KCND2: variants seen among roughly 807,000 people sequenced by gnomAD.
The protein encoded by KCND2 is A-type voltage-gated potassium channel KCND2.
A neutral mutation model predicts 54.4 loss-of-function variants in KCND2; 16 were observed. That is an observed-to-expected ratio of 0.29 (90% CI 0.20 to 0.45). The LOEUF (loss-of-function observed/expected upper bound fraction) is 0.45, where lower values mean the gene tolerates loss of function less well. KCND2 is among the 20% of genes least tolerant of loss of function. KCND2 has a pLI of 1.00. For synonymous variants in KCND2, 317 were observed against 310.7 expected, an observed-to-expected ratio of 1.02 and a Z score of -0.21; for missense variants, 486 against 824.2, an observed-to-expected ratio of 0.59 and a Z score of 5.02.
intron 1 of KCND2, among the ~76,000 whole-genome samples, chr7:120,322,182 A>G (rs1470395327): frequency 2.6e-5 from 4 of 152,082 alleles, no homozygotes; most frequent in Non-Finnish European, 5.9e-5. Flanking sequence ...TTTTTTAAAA[A>G]AAAGCATAAT....
chr7:120,674,007 C>T (rs989541335), intron 1 of KCND2, among the ~76,000 whole-genome samples: 2 of 151,728 alleles, frequency 1.3e-5, no homozygotes, highest in Non-Finnish European at 2.9e-5. Flanking sequence ...CAGGTTCAAG[C>T]GATTCTCCTA....
chr7:120,529,809 A>T (rs918160914), intron 1 of KCND2, among the ~76,000 whole-genome samples: 1 of 152,126 alleles, frequency 6.6e-6, no homozygotes, highest in African/African-American at 2.4e-5. Flanking sequence ...CAGGCCAGGC[A>T]TGGTGTCTCA....
intron 1 of KCND2, among the ~76,000 whole-genome samples, chr7:120,690,569 C>A (rs568129811): frequency 6.6e-6 from 1 of 152,284 alleles, no homozygotes; most frequent in African/African-American, 2.4e-5. Flanking sequence ...TTTGCCTTCC[C>A]ATTCACCTGG....
chr7:120,602,919 A>C (rs1792833149), intron 1 of KCND2, among the ~76,000 whole-genome samples: 1 of 152,200 alleles, frequency 6.6e-6, no homozygotes, highest in African/African-American at 2.4e-5. Flanking sequence ...TACTCCTGGG[A>C]CAAAGGTGAG....
chr7:120,380,725 A>C (rs1800906145), intron 1 of KCND2, among the ~76,000 whole-genome samples: 1 of 152,018 alleles, frequency 6.6e-6, no homozygotes, highest in Admixed American at 6.6e-5. Flanking sequence ...CACTTCAGAG[A>C]AAAATCATTG....
At chr7:120,433,626 T>C (rs1801825621) in intron 1 of KCND2, among the ~76,000 whole-genome samples, 1 of 152,206 alleles carries the variant, frequency 6.6e-6, no homozygotes, top group Admixed American at 6.5e-5. Context: ...GCCTGGCATG[T>C]AGTAAATGCT....
chr7:120,441,256 A>G (rs908451315), intron 1 of KCND2, among the ~76,000 whole-genome samples: 13 of 152,084 alleles, frequency 8.5e-5, no homozygotes, highest in African/African-American at 2.7e-4. Flanking sequence ...TTTCTGTTAC[A>G]TAGTTTGCTC....
chr7:120,657,497 T>C (rs1791816994), intron 1 of KCND2, among the ~76,000 whole-genome samples: 1 of 152,064 alleles, frequency 6.6e-6, no homozygotes, highest in Admixed American at 6.6e-5. Context: ...CACAAAAGAT[T>C]GAACTATTTG....
intron 1 of KCND2, among the ~76,000 whole-genome samples, chr7:120,329,247 G>A (rs573982142): frequency 6.6e-6 from 1 of 151,084 alleles, no homozygotes; most frequent in African/African-American, 2.4e-5. Context: ...TCAGCCTCCC[G>A]AGTAGCTGGG....
chr7:120,275,017 A>G lies in KCND2; in HGVS notation c.385A>G (p.Ile129Val), dbSNP rs1448870371. ...LAFFGLIPEI[I>V]GDCCYEEYKD... ...CTTCTTTGGCCTCATCCCGGAAATC[A>G]TCGGCGACTGCTGTTATGAGGAGTA... Residue 129 changes from isoleucine (I) to valine (V), a missense_variant, in exon 1 of 6, where the codon ATC becomes GTC. By Grantham distance (29) the Ile-to-Val change is conservative. Coordinates refer to ENST00000331113, the MANE Select transcript of KCND2 (RefSeq NM_012281.3). The G allele has an allele frequency of 3.1e-6, 5 of 1,613,948 alleles. No individual in the cohort carries two copies. The Admixed American group carries it at 6.7e-5, about 22-fold the overall frequency.
chr7:120,576,278 TTAAA>T (rs1217596781), intron 1 of KCND2, among the ~76,000 whole-genome samples: 10 of 152,338 alleles, frequency 6.6e-5, no homozygotes, highest in African/African-American at 2.4e-4. Flanking sequence ...ACACCAGCAA[TTAAA>T]TATTTAGTAG....
chr7:120,747,801 T>C lies in KCND2; in HGVS notation c.1836T>C (p.Asp612=). 1 of 1,612,722 alleles carries C rather than the reference T, an allele frequency of 6.2e-7. No individual in the cohort carries two copies. ...TPPVTTPEGD[D]RPESPEYSGG... ...CAGTAACCACACCAGAAGGAGACGA[T>C]AGGCCAGAATCCCCTGAGTACTCAG... is the stretch of plus-strand genomic sequence containing the variant. The change falls in exon 6 of 6, where the codon GAT becomes GAC. Residue 612 remains aspartate, a synonymous_variant. Transcript: ENST00000331113.
intron 1 of KCND2, among the ~76,000 whole-genome samples, chr7:120,295,385 C>G (rs866023837): frequency 6.8e-5 from 9 of 132,474 alleles, no homozygotes; most frequent in South Asian, 2.3e-4. Context: ...CACACACACA[C>G]ACACACAGAC....
At chr7:120,629,330 C>CA (rs1164612087) in intron 1 of KCND2, among the ~76,000 whole-genome samples, 2 of 152,036 alleles carry the variant, frequency 1.3e-5, no homozygotes, top group East Asian at 1.9e-4. Context: ...TACTAAAATA[C>CA]AAAAAATTAG....
chr7:120,576,329 A>G (rs991332666), intron 1 of KCND2, among the ~76,000 whole-genome samples: 3 of 152,356 alleles, frequency 2.0e-5, no homozygotes, highest in African/African-American at 7.2e-5. Context: ...AATATTTTAC[A>G]GTGCCATACA....
intron 1 of KCND2, among the ~76,000 whole-genome samples, chr7:120,356,872 T>C (rs1384332690): frequency 6.6e-6 from 1 of 152,134 alleles, no homozygotes; most frequent in Non-Finnish European, 1.5e-5. Flanking sequence ...CTCTCTCTTG[T>C]CTTATTATTT....
intron 1 of KCND2, among the ~76,000 whole-genome samples, chr7:120,448,580 C>T (rs1253792767): frequency 6.6e-6 from 1 of 151,938 alleles, no homozygotes; most frequent in African/African-American, 2.4e-5. Flanking sequence ...ATGAGATCAG[C>T]ATCATCCTGA....
In KCND2 at chr7:120,275,146, T is replaced by A; in HGVS notation, c.514T>A (p.Trp172Arg). The change falls in exon 1 of 6, where the codon TGG becomes AGG. Residue 172 changes from tryptophan to arginine, a missense_variant. Transcript: ENST00000331113. Reference protein sequence around the residue: ...LPTMTARQRVWRAFENPHTST... With the variant: ...LPTMTARQRVRRAFENPHTST... ...CACCATGACTGCAAGGCAGAGGGTC[T>A]GGAGGGCCTTCGAGAACCCCCACAC... 1.2e-6 allele frequency: 2 copies of A among 1,613,996 alleles called. No homozygotes were observed. Among genetic ancestry groups the A allele is most frequent in the Non-Finnish European group, 1.7e-6 (2 of 1,180,006 alleles).
chr7:120,580,842 A>G (rs1422683882), intron 1 of KCND2, among the ~76,000 whole-genome samples: 1 of 152,200 alleles, frequency 6.6e-6, no homozygotes, highest in Non-Finnish European at 1.5e-5. Flanking sequence ...AGCAACTTCT[A>G]AAGCTAGTGA....
Sources: gnomAD v4.1 joint callset for allele counts (sites outside exome capture counted in the v4.1 genomes callset) on GRCh38, gnomAD v4.1.1 for gene constraint, MANE v1.5 for transcripts, NCBI Gene and HGNC (gene_info 2026-07-23, HGNC 2026-07-21) for gene names.